The following REV3L variants were observed in gnomAD, a reference collection of about 807,000 sequenced individuals.
REV3L encodes the protein DNA polymerase zeta catalytic subunit.
Under a neutral mutation model 299.4 loss-of-function variants are expected in REV3L, and 69 were observed. That is an observed-to-expected ratio of 0.23 (90% confidence interval 0.19 to 0.28). REV3L has a LOEUF of 0.28. REV3L is among the 10% of genes least tolerant of loss of function. The pLI, the probability that REV3L is intolerant of heterozygous loss-of-function variation, is 1.00. For synonymous variants in REV3L, 1,238 were observed against 1,271.4 expected (o/e 0.97, Z 0.56); for missense variants, 3,128 against 3,693.8 (o/e 0.85, Z 3.97).
chr6:111,388,274 T>C (rs536317395), intron 7 of REV3L, among the ~76,000 whole-genome samples, 189 bp from the exon 8 acceptor site: 1 of 152,282 alleles, frequency 6.6e-6, no homozygotes, highest in Admixed American at 6.5e-5. Context: ...GTTATAAAAT[T>C]AGGCACTTAA....
intron 1 of REV3L, among the ~76,000 whole-genome samples, chr6:111,479,948 G>T (rs1353436803): frequency 6.6e-6 from 1 of 152,140 alleles, no homozygotes; most frequent in Non-Finnish European, 1.5e-5. Flanking sequence ...AAGTCAACTG[G>T]ACTGTTTTCT....
Position 111,375,690 on chromosome 6 carries a change from T to G in REV3L, c.2665A>C (p.Thr889Pro). The change falls in exon 13 of 32, where the codon ACA becomes CCA. Residue 889 changes from threonine (T) to proline (P), a missense_variant. Physicochemically the swap from Thr to Pro is conservative, Grantham distance 38. Transcript: ENST00000368802. ...KTTRGAFENK[T>P]PTDGFIDCHF... ...CAGTCTATAAAACCATCTGTGGGTGTTTTATTTTCAAAAGCTCCACGAGTG... is the reference window on the plus strand; with the variant it reads ...CAGTCTATAAAACCATCTGTGGGTGGTTTATTTTCAAAAGCTCCACGAGTG... The G allele has an allele frequency of 1.8e-5, 29 of 1,614,054 alleles. No individual in the cohort carries two copies. Among genetic ancestry groups the G allele is most frequent in the Non-Finnish European group, 2.5e-5 (29 of 1,179,948 alleles).
intron 20 of REV3L, among the ~76,000 whole-genome samples, chr6:111,347,827 G>T (rs549349177): frequency 3.3e-5 from 5 of 152,048 alleles, no homozygotes; most frequent in African/African-American, 1.2e-4. Context: ...GGCCTCAAAA[G>T]GTCTTCCCGC....
chr6:111,483,502 G>A (rs1253725542), upstream of REV3L: 7 of 532,818 alleles, frequency 1.3e-5, no homozygotes, highest in Non-Finnish European at 2.5e-5. Context: ...CGATCTCATG[G>A]ATGGGCTCCG....
At chr6:111,327,358 C>T (rs1774939739) in intron 25 of REV3L, among the ~76,000 whole-genome samples, 1 of 152,006 alleles carries the variant, frequency 6.6e-6, no homozygotes, top group Non-Finnish European at 1.5e-5. Flanking sequence ...AATTCAAGAC[C>T]AGCCTGGGCA....
At chr6:111,462,592 T>G (rs930957275) in intron 1 of REV3L, among the ~76,000 whole-genome samples, 4 of 152,042 alleles carry the variant, frequency 2.6e-5, no homozygotes, top group African/African-American at 9.7e-5. Flanking sequence ...TGATGAAAAA[T>G]GTACAAACCC....
At chr6:111,346,349 G>A (rs463543) in intron 20 of REV3L, among the ~76,000 whole-genome samples, 8,526 of 152,122 alleles carry the variant, frequency 0.056, 273 homozygotes, top group Middle Eastern at 0.085. Flanking sequence ...TATCTAATAA[G>A]CATTACTATT....
intron 4 of REV3L, among the ~76,000 whole-genome samples, chr6:111,401,630 T>C (rs1783089827): frequency 6.6e-6 from 1 of 152,202 alleles, no homozygotes; most frequent in Admixed American, 6.6e-5. Context: ...TCAATATTTG[T>C]GTATTTAAAA....
chr6:111,421,266 T>C (rs917532561), intron 1 of REV3L, among the ~76,000 whole-genome samples: 1 of 152,218 alleles, frequency 6.6e-6, no homozygotes, highest in Non-Finnish European at 1.5e-5. Flanking sequence ...TGTTAGCCTA[T>C]TTGTAGTAAA....
At chr6:111,300,262 GCAGACATACATTA>G in intron 31 of REV3L, 106 bp from the exon 32 acceptor site, 1 of 807,956 alleles carries the variant, frequency 1.2e-6, no homozygotes, top group South Asian at 2.5e-5. Context: ...CAGATTACTG[GCAGACATACATTA>G]CAGAAACTTT....
In REV3L at chr6:111,363,997, A is replaced by C; in HGVS notation, c.6754-19T>G. On this transcript the variant is annotated intron_variant, in intron 15 of 31. Coordinates refer to ENST00000368802, the MANE Select transcript of REV3L (RefSeq NM_001372078.1). ...ATTGATTCTATAAAAAAAAACACAC[A>C]CACACACAGCCAGAAAAAGATACAT... The C allele has an allele frequency of 6.3e-7, 1 of 1,595,832 alleles. No individual in the cohort carries two copies. The highest frequency in any genetic ancestry group is 1.4e-5 in the African/African-American group (1 of 73,908).
At chr6:111,406,110 AAAT>A (rs1354356675) in intron 3 of REV3L, among the ~76,000 whole-genome samples, 3 of 152,156 alleles carry the variant, frequency 2.0e-5, no homozygotes. Context: ...CTATGTGGGG[AAAT>A]ACATTAAACA....
intron 13 of REV3L, among the ~76,000 whole-genome samples, chr6:111,368,991 C>G (rs1345798763): frequency 6.6e-6 from 1 of 152,120 alleles, no homozygotes; most frequent in African/African-American, 2.4e-5. Context: ...TAAGCCCCTA[C>G]TAGTTAACTC....
At position 111,363,845 on chromosome 6, in the gene REV3L, A is replaced by G. The variant is rs559674501; in HGVS notation, c.6879+8T>C. On this transcript the variant is annotated splice_region_variant and intron_variant, in intron 16 of 31. Coordinates refer to ENST00000368802, the MANE Select transcript of REV3L (RefSeq NM_001372078.1). ...ACAATGTATGTGTCCTTACTGTTGC[A>G]GTTTTACCTCATGTAAAGCTTTTGC... 3 of 1,612,174 alleles carry G rather than the reference A, an allele frequency of 1.9e-6. No individual in the cohort carries two copies. The African/African-American group carries it at 4.0e-5, about 22-fold the overall frequency.
At chr6:111,437,538 TTTATA>T in intron 1 of REV3L, among the ~76,000 whole-genome samples, 1 of 151,410 alleles carries the variant, frequency 6.6e-6, no homozygotes, top group African/African-American at 2.4e-5. Context: ...ATATTTTAAT[TTTATA>T]TTATATAGAG....
intron 21 of REV3L, among the ~76,000 whole-genome samples, chr6:111,343,680 TCAC>T (rs905374507): frequency 6.6e-6 from 1 of 152,078 alleles, no homozygotes. Flanking sequence ...CAGGCATGCA[TCAC>T]CACACCTGGC....
chr6:111,419,868 G>A (rs1340207872), intron 1 of REV3L, among the ~76,000 whole-genome samples: 14 of 149,696 alleles, frequency 9.4e-5, no homozygotes, highest in Admixed American at 7.3e-4. Context: ...TTTTTGAGAT[G>A]GAGTCTCGCT....
intron 13 of REV3L, among the ~76,000 whole-genome samples, chr6:111,369,463 GA>G (rs1199776443): frequency 6.6e-6 from 1 of 151,850 alleles, no homozygotes; most frequent in Admixed American, 6.6e-5. Flanking sequence ...CAAAATACAA[GA>G]AATGCTTTAA....
chr6:111,392,450 T>C (rs1782031046), intron 5 of REV3L, among the ~76,000 whole-genome samples: 1 of 152,180 alleles, frequency 6.6e-6, no homozygotes, highest in Admixed American at 6.5e-5. Flanking sequence ...AATTATATTA[T>C]TCAAAACCAG....
Sources: allele counts gnomAD v4.1 joint callset (sites outside exome capture counted in the v4.1 genomes callset), GRCh38; gene constraint gnomAD v4.1.1; transcripts MANE v1.5; gene names NCBI Gene and HGNC (gene_info 2026-07-23, HGNC 2026-07-21).